The following ADGRL3 variants were observed in gnomAD, a reference collection of about 807,000 sequenced individuals.
ADGRL3 encodes calcium-independent alpha-latrotoxin receptor 3.
ADGRL3 carries 62 observed loss-of-function variants against 153.5 expected under a neutral mutation model. The observed-to-expected ratio is 0.40, with a 90% CI of 0.33 to 0.50. The LOEUF is 0.50. Among genes scored for constraint, ADGRL3 ranks in the 20% least tolerant of loss-of-function variants. The probability of loss-of-function intolerance (pLI) is 0.47; values close to 1 mark genes in which losing one functional copy is unlikely to be tolerated. For missense variants in ADGRL3, 1,641 were observed against 1,859.4 expected, an observed-to-expected ratio of 0.88 and a Z score of 2.16; for synonymous variants, 710 against 672.5, an observed-to-expected ratio of 1.06 and a Z score of -0.86.
intron 6 of ADGRL3, among the ~76,000 whole-genome samples, chr4:61,705,671 G>A (rs983805554): frequency 6.6e-6 from 1 of 151,794 alleles, no homozygotes; most frequent in Non-Finnish European, 1.5e-5. Context: ...CTAATTTTTT[G>A]TATTTTTGGT....
At position 61,987,299 on chromosome 4, in the gene ADGRL3, G is replaced by A. The variant is rs947475286; in HGVS notation, c.3236+3696G>A. Among the ~76,000 whole-genome samples, 15 of 151,836 alleles carry A rather than the reference G, an allele frequency of 9.9e-5. No homozygotes were observed. The East Asian group carries it at 2.5e-3, about 26-fold the overall frequency. On this transcript the variant is annotated intron_variant, in intron 19 of 26. Coordinates refer to ENST00000683033, the MANE Select transcript of ADGRL3 (RefSeq NM_001387552.1). ...TCCTGACTCAGCCTCCCGAGCAGCC[G>A]AGTAGCTGGGATTACAGGCATGCAC...
intron 1 of ADGRL3, among the ~76,000 whole-genome samples, chr4:61,379,508 A>C (rs1415876934): frequency 6.6e-6 from 1 of 152,028 alleles, no homozygotes; most frequent in Non-Finnish European, 1.5e-5. Flanking sequence ...TTGTTTTTTA[A>C]GTCTCAATTA....
At chr4:61,250,530 A>T (rs1188827272) in intron 1 of ADGRL3, among the ~76,000 whole-genome samples, 3 of 152,124 alleles carry the variant, frequency 2.0e-5, no homozygotes, top group Non-Finnish European at 2.9e-5. Context: ...TATACCATTG[A>T]TTTTTGTTGC....
chr4:61,714,445 G>C (rs2151526270), intron 6 of ADGRL3, among the ~76,000 whole-genome samples: 1 of 152,186 alleles, frequency 6.6e-6, no homozygotes, highest in South Asian at 2.1e-4. Flanking sequence ...GCCCAATTCT[G>C]ATTTCGGCCA....
intron 1 of ADGRL3, among the ~76,000 whole-genome samples, chr4:61,295,192 C>T (rs1487643888): frequency 6.6e-6 from 1 of 152,076 alleles, no homozygotes; most frequent in Admixed American, 6.5e-5. Context: ...TCTCCATTAT[C>T]TGATGAACTG....
intron 1 of ADGRL3, among the ~76,000 whole-genome samples, chr4:61,273,068 T>C (rs1167185995): frequency 1.3e-5 from 2 of 152,182 alleles, no homozygotes; most frequent in East Asian, 1.9e-4. Flanking sequence ...AGGATTGTTG[T>C]GAGACTGGAA....
In ADGRL3 at chr4:61,242,221, T is replaced by C. The variant is rs143739378; in HGVS notation, c.-240+40456T>C. Among the ~76,000 whole-genome samples, 1,148 of 152,134 alleles carry C rather than the reference T, an allele frequency of 7.5e-3. 16 individuals are homozygous for C. The highest frequency in any genetic ancestry group is 0.028 in the Admixed American group (422 of 15,232). On this transcript the variant is annotated intron_variant, in intron 1 of 26. Coordinates refer to ENST00000683033, the MANE Select transcript of ADGRL3 (RefSeq NM_001387552.1). ...CATCTGTTTGATATCTGACTCCCTG[T>C]TCTGATTGTAACCTCAATGAGGTTG...
chr4:61,668,728 A>AG (rs969736058), intron 5 of ADGRL3, among the ~76,000 whole-genome samples: 24 of 152,250 alleles, frequency 1.6e-4, no homozygotes, highest in African/African-American at 2.6e-4. Context: ...TCAAAAAAAA[A>AG]AAAATGGAGG....
intron 1 of ADGRL3, among the ~76,000 whole-genome samples, chr4:61,325,640 A>C (rs1367322505): frequency 6.6e-6 from 1 of 152,206 alleles, no homozygotes; most frequent in Non-Finnish European, 1.5e-5. Context: ...GCCCCTGTGC[A>C]TCCTATAGTC....
At chr4:61,551,587 T>G (rs2098740710) in intron 4 of ADGRL3, among the ~76,000 whole-genome samples, 1 of 152,182 alleles carries the variant, frequency 6.6e-6, no homozygotes, top group African/African-American at 2.4e-5. Context: ...GAGTTGGATG[T>G]GACTCCTTTT....
intron 3 of ADGRL3, among the ~76,000 whole-genome samples, chr4:61,499,686 A>G (rs983185860): frequency 1.3e-5 from 2 of 152,184 alleles, no homozygotes; most frequent in African/African-American, 2.4e-5. Context: ...TTAGCTAGCC[A>G]TAAAAGCTGA....
intron 4 of ADGRL3, among the ~76,000 whole-genome samples, chr4:61,524,919 G>A (rs1222205372): frequency 6.6e-6 from 1 of 152,088 alleles, no homozygotes; most frequent in Non-Finnish European, 1.5e-5. Flanking sequence ...ACATTCAAGG[G>A]TTCGTAGCTT....
intron 5 of ADGRL3, among the ~76,000 whole-genome samples, chr4:61,635,353 G>C (rs1236335227): frequency 6.6e-6 from 1 of 152,142 alleles, no homozygotes; most frequent in Non-Finnish European, 1.5e-5. Context: ...GGAGAGAAGA[G>C]TTAAGAGAGA....
chr4:61,504,905 C>A (rs1394114655), intron 3 of ADGRL3, among the ~76,000 whole-genome samples: 2 of 152,094 alleles, frequency 1.3e-5, no homozygotes, highest in Admixed American at 6.6e-5. Context: ...TTCTGAATAG[C>A]GTTGCAATAA....
intron 8 of ADGRL3, among the ~76,000 whole-genome samples, chr4:61,777,304 G>A (rs1311467710): frequency 1.3e-5 from 2 of 151,958 alleles, no homozygotes; most frequent in South Asian, 2.1e-4. Flanking sequence ...CTGCACTCCA[G>A]CCTGGGCCAT....
chr4:61,939,933 T>TTA (rs2098874086), intron 15 of ADGRL3, among the ~76,000 whole-genome samples: 1 of 152,006 alleles, frequency 6.6e-6, no homozygotes, highest in African/African-American at 2.4e-5. Context: ...TTTTTTTTTT[T>TTA]AATTTTTTTA....
chr4:61,463,662 A>C (rs2097849067), intron 2 of ADGRL3, among the ~76,000 whole-genome samples: 1 of 152,188 alleles, frequency 6.6e-6, no homozygotes, highest in Admixed American at 6.6e-5. Context: ...AACACTCTAA[A>C]ATTTTATCAG....
At chr4:61,218,396 G>C (rs1274048478) in intron 1 of ADGRL3, among the ~76,000 whole-genome samples, 2 of 151,876 alleles carry the variant, frequency 1.3e-5, no homozygotes, top group Non-Finnish European at 2.9e-5. Flanking sequence ...CTGCAGCCTC[G>C]ACCTCCTAAC....
rs114492762 is a variant in ADGRL3, at chr4:61,871,924, G to A, written c.1481-20732G>A. Among the ~76,000 whole-genome samples the A allele has an allele frequency of 3.7e-3, 556 of 152,134 alleles. 4 individuals carry two copies. The highest frequency in any genetic ancestry group is 6.5e-3 in the Non-Finnish European group (443 of 67,996). On this transcript the variant is annotated intron_variant, in intron 9 of 26. Transcript: ENST00000683033. The stretch of plus-strand genomic sequence containing the variant: ...CCTTCAAATGTTACCTTTCAGTTAC[G>A]CCTGCCTTGATAACTAATCTAAATG...
Sources: gnomAD v4.1 joint callset for allele counts (sites outside exome capture counted in the v4.1 genomes callset) on GRCh38, gnomAD v4.1.1 for gene constraint, MANE v1.5 for transcripts, NCBI Gene and HGNC (gene_info 2026-07-23, HGNC 2026-07-21) for gene names.